The following NCAM2 variants were observed in gnomAD, a reference collection of about 807,000 sequenced individuals.
NCAM2 encodes the protein neural cell adhesion molecule 2.
A neutral mutation model predicts 98.1 loss-of-function variants in NCAM2; 30 were observed. The ratio of observed to expected loss-of-function variants is 0.31; its 90% CI spans 0.23 to 0.41. The LOEUF (loss-of-function observed/expected upper bound fraction) is 0.41. Ranked by LOEUF, NCAM2 falls within the 10% of genes least tolerant of loss-of-function variation. The pLI is 1.00. For missense variants in NCAM2, 867 were observed against 1,005.8 expected, an observed-to-expected ratio of 0.86 and a Z score of 1.87; for synonymous variants, 368 against 342.4, an observed-to-expected ratio of 1.07 and a Z score of -0.83.
At chr21:21,006,349 A>T (rs1042378509) in intron 1 of NCAM2, among the ~76,000 whole-genome samples, 5 of 152,140 alleles carry the variant, frequency 3.3e-5, no homozygotes, top group Admixed American at 3.3e-4. Context: ...TTTACCAAAA[A>T]TACAAAAATT....
chr21:21,028,436 C>T (rs2064599600), intron 1 of NCAM2, among the ~76,000 whole-genome samples: 1 of 152,102 alleles, frequency 6.6e-6, no homozygotes, highest in South Asian at 2.1e-4. Context: ...GAGAGAAAAC[C>T]AAACACAGTG....
intron 1 of NCAM2, among the ~76,000 whole-genome samples, chr21:21,170,288 C>T (rs1335855559): frequency 1.3e-5 from 2 of 152,160 alleles, no homozygotes; most frequent in Non-Finnish European, 2.9e-5. Context: ...TGTGGCTGCA[C>T]AAAAACCTAC....
chr21:21,157,193 A>G (rs1186645860), intron 1 of NCAM2, among the ~76,000 whole-genome samples: 1 of 152,170 alleles, frequency 6.6e-6, no homozygotes, highest in Non-Finnish European at 1.5e-5. Context: ...TTGGGTTAAT[A>G]GAAAGGAATT....
intron 5 of NCAM2, among the ~76,000 whole-genome samples, chr21:21,322,047 G>A (rs929861171): frequency 6.6e-6 from 1 of 152,142 alleles, no homozygotes; most frequent in Non-Finnish European, 1.5e-5. Context: ...CAAGGACATG[G>A]AGTCAACCTT....
intron 9 of NCAM2, among the ~76,000 whole-genome samples, chr21:21,396,621 TCCAGCCACTGGGC>T (rs1206116041): frequency 6.6e-6 from 1 of 152,000 alleles, no homozygotes; most frequent in Admixed American, 6.6e-5. Flanking sequence ...GAGTGCAGGG[TCCAGCCACTGGGC>T]CCAGCCAGGC....
intron 14 of NCAM2, among the ~76,000 whole-genome samples, chr21:21,473,397 A>ATATTATG (rs1984732270): frequency 1.5e-5 from 2 of 131,260 alleles, no homozygotes; most frequent in Non-Finnish European, 3.4e-5. Flanking sequence ...TATATATTAT[A>ATATTATG]TATAAAATCC....
chr21:21,176,933 A>G (rs2068310550), intron 1 of NCAM2, among the ~76,000 whole-genome samples: 1 of 151,984 alleles, frequency 6.6e-6, no homozygotes, highest in African/African-American at 2.4e-5. Context: ...CTCCTAACAG[A>G]CATACCTATT....
At chr21:21,217,092 G>A (rs1225427563) in intron 1 of NCAM2, among the ~76,000 whole-genome samples, 1 of 152,148 alleles carries the variant, frequency 6.6e-6, no homozygotes, top group African/African-American at 2.4e-5. Flanking sequence ...AAATGCTGAG[G>A]GTGCCAGGGA....
intron 1 of NCAM2, among the ~76,000 whole-genome samples, chr21:21,233,074 A>T (rs147651860): frequency 6.6e-6 from 1 of 151,704 alleles, no homozygotes; most frequent in African/African-American, 2.4e-5. Flanking sequence ...TTTGAGAGGT[A>T]GTTTTGGGTT....
chr21:21,266,273 A>G (rs1213963862), intron 1 of NCAM2, among the ~76,000 whole-genome samples: 1 of 152,088 alleles, frequency 6.6e-6, no homozygotes. Flanking sequence ...CAACTAATTC[A>G]ACTACTGTAT....
At chr21:21,324,604 T>C in intron 6 of NCAM2, 104 bp downstream of exon 6, 1 of 841,404 alleles carries the variant, frequency 1.2e-6, no homozygotes, top group Non-Finnish European at 1.9e-6. Flanking sequence ...CATTGCATTT[T>C]AGTTTCATTA....
chr21:21,130,896 A>G (rs1267070887), intron 1 of NCAM2, among the ~76,000 whole-genome samples: 1 of 152,210 alleles, frequency 6.6e-6, no homozygotes, highest in Non-Finnish European at 1.5e-5. Context: ...TGGCCAAGCA[A>G]AAACAATGAT....
At chr21:21,277,552 A>G (rs896904431) in intron 1 of NCAM2, among the ~76,000 whole-genome samples, 1 of 152,128 alleles carries the variant, frequency 6.6e-6, no homozygotes, top group Non-Finnish European at 1.5e-5. Context: ...CAAATGCACA[A>G]TGGTAGGCAA....
intron 1 of NCAM2, among the ~76,000 whole-genome samples, chr21:21,066,400 C>G (rs1353443123): frequency 6.6e-6 from 1 of 151,768 alleles, no homozygotes; most frequent in Non-Finnish European, 1.5e-5. Flanking sequence ...ACTCTAAATG[C>G]AGTTTTTTAT....
intron 4 of NCAM2, among the ~76,000 whole-genome samples, chr21:21,290,636 G>A (rs148415656): frequency 5.4e-4 from 82 of 151,964 alleles, no homozygotes; most frequent in African/African-American, 1.8e-3. Context: ...TCATGTGGCC[G>A]TAGCATTAGA....
chr21:21,297,381 T>A (rs2073525944), intron 5 of NCAM2, among the ~76,000 whole-genome samples: 1 of 151,724 alleles, frequency 6.6e-6, no homozygotes, highest in Admixed American at 6.6e-5. Flanking sequence ...TTAAACTTTT[T>A]ATTGGATCTT....
At chr21:21,247,035 T>TAAA (rs1436027777) in intron 1 of NCAM2, among the ~76,000 whole-genome samples, 5 of 99,778 alleles carry the variant, frequency 5.0e-5, no homozygotes, top group Non-Finnish European at 1.1e-4. Flanking sequence ...TAAAAAAAAT[T>TAAA]TAGACTAGGC....
At chr21:21,324,533 G>A in intron 6 of NCAM2, 33 bp downstream of exon 6, 1 of 1,418,500 alleles carries the variant, frequency 7.0e-7, no homozygotes, top group Non-Finnish European at 9.9e-7. Flanking sequence ...TCTGGCTTGT[G>A]TCCATTATCA....
intron 9 of NCAM2, among the ~76,000 whole-genome samples, chr21:21,389,974 C>T (rs1052151294): frequency 2.6e-5 from 4 of 152,206 alleles, no homozygotes; most frequent in Admixed American, 2.0e-4. Context: ...CTCAGCCTCC[C>T]GAGTAGCTGG....
Sources: allele counts gnomAD v4.1 joint callset (sites outside exome capture counted in the v4.1 genomes callset), GRCh38; gene constraint gnomAD v4.1.1; transcripts MANE v1.5; gene names NCBI Gene and HGNC (gene_info 2026-07-23, HGNC 2026-07-21).